The following ADAM9 variants were observed in gnomAD, a reference collection of about 807,000 sequenced individuals.
ADAM9 encodes the protein ADAM metallopeptidase domain 9, also known as disintegrin and metalloproteinase domain-containing protein 9.
Under a neutral mutation model 108.1 loss-of-function variants are expected in ADAM9, and 54 were observed. The ratio of observed to expected loss-of-function variants is 0.50; its 90% CI spans 0.40 to 0.63. The LOEUF (loss-of-function observed/expected upper bound fraction) is 0.63, where lower values mean the gene tolerates loss of function less well. ADAM9 is among the 20% of genes least tolerant of loss of function. The probability of loss-of-function intolerance (pLI) is 0.00; values close to 1 mark genes in which losing one functional copy is unlikely to be tolerated. For missense variants in ADAM9, 830 were observed against 997.7 expected (o/e 0.83, Z 2.26); for synonymous variants, 316 against 336.0 (o/e 0.94, Z 0.65).
At position 39,077,702 on chromosome 8, in the gene ADAM9, T is replaced by G. The variant is rs374345235; in HGVS notation, c.1881+291T>G. On this transcript the variant is annotated intron_variant, in intron 16 of 21. Coordinates refer to ENST00000487273, the MANE Select transcript of ADAM9 (RefSeq NM_003816.3). ...CCAGTTTGCTATTACTGGGACACTT[T>G]GGCGATGTCCTGAATTTCAGGGTGT... Among the ~76,000 whole-genome samples the G allele has an allele frequency of 1.1e-3, 174 of 152,280 alleles. 1 individual carries two copies. The South Asian group carries it at 0.018, about 16-fold the overall frequency.
At chr8:39,066,115 T>C (rs147972175) in intron 14 of ADAM9, among the ~76,000 whole-genome samples, 6,192 of 152,284 alleles carry the variant, frequency 0.041, 436 homozygotes, top group African/African-American at 0.14. Context: ...TATTCCATGG[T>C]GTCTATGTGC....
intron 14 of ADAM9, among the ~76,000 whole-genome samples, chr8:39,065,586 G>C (rs1185354537): frequency 6.6e-6 from 1 of 150,528 alleles, no homozygotes; most frequent in Admixed American, 6.6e-5. Flanking sequence ...CGTGAACCCG[G>C]GAGGCGGAGC....
intron 16 of ADAM9, among the ~76,000 whole-genome samples, chr8:39,081,191 C>G (rs1839014005): frequency 6.6e-6 from 1 of 151,846 alleles, no homozygotes; most frequent in African/African-American, 2.4e-5. Flanking sequence ...TCAAGTGATT[C>G]ACCCACCTCG....
At chr8:39,092,766 C>T (rs1270405648) in intron 20 of ADAM9, among the ~76,000 whole-genome samples, 2 of 151,818 alleles carry the variant, frequency 1.3e-5, no homozygotes, top group African/African-American at 2.4e-5. Flanking sequence ...ATCTTTAATC[C>T]AGTTTGAGTT....
chr8:39,064,738 T>C (rs890130210), intron 14 of ADAM9, among the ~76,000 whole-genome samples: 1 of 152,218 alleles, frequency 6.6e-6, no homozygotes, highest in African/African-American at 2.4e-5. Flanking sequence ...GTAGTTTCCT[T>C]AGATAAGGTG....
chr8:39,059,047 G>T (rs961614056), intron 14 of ADAM9, among the ~76,000 whole-genome samples: 3 of 152,192 alleles, frequency 2.0e-5, no homozygotes, highest in Non-Finnish European at 4.4e-5. Context: ...GCTTCAGGAT[G>T]GTGGGGAAGG....
rs867845337 is a variant in ADAM9 at position 39,055,748 on chromosome 8, C to A, written c.1567C>A (p.Gln523Lys). ...CGGCATGTGCCAGTATTATGATGCT[C>A]AATGTCAAGTCATCTTTGGCTCAAG... ...YNGMCQYYDAQCQVIFGSKAK... is the reference protein window; with the variant it reads ...YNGMCQYYDAKCQVIFGSKAK... Residue 523 changes from glutamine (Q) to lysine (K), a missense_variant, in exon 14 of 22, where the codon CAA becomes AAA. By Grantham distance (53) the Gln-to-Lys change is moderately conservative. Transcript: ENST00000487273. 6.2e-7 allele frequency: 1 copy of A among 1,613,446 alleles called. No homozygotes were observed.
chr8:39,071,462 T>G, intron 15 of ADAM9, 59 bp downstream of exon 15: 2 of 1,126,918 alleles, frequency 1.8e-6, no homozygotes, highest in Non-Finnish European at 2.5e-6. Flanking sequence ...TCATCTCTAG[T>G]ATCTTTTTTT....
At chr8:39,053,681 T>C (rs1392249593) in intron 12 of ADAM9, among the ~76,000 whole-genome samples, 1 of 152,080 alleles carries the variant, frequency 6.6e-6, no homozygotes, top group Non-Finnish European at 1.5e-5. Flanking sequence ...AGAGAAGATG[T>C]CTCTGTGGGT....
At chr8:39,045,921 G>A (rs751471020) in intron 12 of ADAM9, among the ~76,000 whole-genome samples, 1 of 148,910 alleles carries the variant, frequency 6.7e-6, no homozygotes, top group Non-Finnish European at 1.5e-5. Context: ...TCTGACTATT[G>A]TAAGATGATA....
intron 12 of ADAM9, among the ~76,000 whole-genome samples, chr8:39,047,282 G>T (rs1341252653): frequency 6.6e-6 from 1 of 152,146 alleles, no homozygotes; most frequent in Admixed American, 6.6e-5. Flanking sequence ...ATTGGCCTTG[G>T]TGATACAGTC....
chr8:39,090,530 C>T (rs1378813276), intron 19 of ADAM9, among the ~76,000 whole-genome samples: 1 of 152,116 alleles, frequency 6.6e-6, no homozygotes, highest in African/African-American at 2.4e-5. Context: ...TGGTAATCCT[C>T]TAAAATAGGG....
Position 39,089,888 on chromosome 8 carries a change from G to A in ADAM9, c.2069-159G>A, listed in dbSNP as rs549959866. Reference sequence around the variant, plus strand: ...ATTTTTGTGAAGGCAGAAGTAAAGCGGACAGGAATGAACTTTGTGGAAGAC... The same window carrying A: ...ATTTTTGTGAAGGCAGAAGTAAAGCAGACAGGAATGAACTTTGTGGAAGAC... On this transcript the variant is annotated intron_variant, in intron 18 of 21. Transcript: ENST00000487273. 5.2e-5 allele frequency: 40 copies of A among 765,778 alleles called. 1 individual carries two copies. Among genetic ancestry groups the A allele is most frequent in the South Asian group, 3.9e-4 (25 of 64,228 alleles). 47.4% of individuals were successfully genotyped at this position (765,778 alleles called of 1,614,324 possible).
intron 14 of ADAM9, among the ~76,000 whole-genome samples, chr8:39,058,404 G>A (rs1838193917): frequency 6.6e-6 from 1 of 152,184 alleles, no homozygotes. Flanking sequence ...CTGTTAGGGT[G>A]ACCCAAACTG....
At chr8:39,014,392 CATTTA>C (rs1481874264) in intron 4 of ADAM9, 4 of 558,538 alleles carry the variant, frequency 7.2e-6, no homozygotes, top group African/African-American at 3.8e-5. Flanking sequence ...CTTATTAAAA[CATTTA>C]ATTTGTCAGT....
intron 15 of ADAM9, among the ~76,000 whole-genome samples, chr8:39,071,711 C>T (rs1331559290): frequency 6.6e-6 from 1 of 152,122 alleles, no homozygotes; most frequent in Non-Finnish European, 1.5e-5. Flanking sequence ...GTGATCCGCT[C>T]GCCTCAGCCT....
intron 12 of ADAM9, among the ~76,000 whole-genome samples, chr8:39,044,923 T>C (rs1837576365): frequency 6.6e-6 from 1 of 150,740 alleles, no homozygotes; most frequent in African/African-American, 2.5e-5. Flanking sequence ...TGTATGTATA[T>C]ATGTGTGTGC....
intron 8 of ADAM9, among the ~76,000 whole-genome samples, chr8:39,022,651 C>T (rs951800220): frequency 1.3e-5 from 2 of 151,916 alleles, no homozygotes; most frequent in African/African-American, 2.4e-5. Flanking sequence ...ATAAGGATTT[C>T]GAATCTCTGT....
chr8:39,055,644 G>A lies in ADAM9; in HGVS notation c.1463G>A (p.Gly488Asp), dbSNP rs1408971611. 1 of 1,613,724 alleles carries A rather than the reference G, an allele frequency of 6.2e-7. No individual in the cohort carries two copies. The change falls in exon 14 of 22, where the codon GGT becomes GAT. Residue 488 changes from glycine to aspartate, a missense_variant. By Grantham distance (94) the Gly-to-Asp change is moderately conservative. Coordinates refer to ENST00000487273, the MANE Select transcript of ADAM9 (RefSeq NM_003816.3). ...TGTGATGTTCCAGAGTACTGCAATGGTTCTTCTCAGTTCTGTCAGCCAGAT... is the reference window on the plus strand; with the variant it reads ...TGTGATGTTCCAGAGTACTGCAATGATTCTTCTCAGTTCTGTCAGCCAGAT... Reference protein sequence around the residue: ...SECDVPEYCNGSSQFCQPDVF... With the variant: ...SECDVPEYCNDSSQFCQPDVF...
Sources: allele counts gnomAD v4.1 joint callset (sites outside exome capture counted in the v4.1 genomes callset), GRCh38; gene constraint gnomAD v4.1.1; transcripts MANE v1.5; gene names NCBI Gene and HGNC (gene_info 2026-07-23, HGNC 2026-07-21).